The following CTNNA2 variants were observed in gnomAD, a reference collection of about 807,000 sequenced individuals.
The protein encoded by CTNNA2 is catenin alpha 2, also known as catenin alpha-2.
CTNNA2 carries 42 observed loss-of-function variants against 101.0 expected under a neutral mutation model. The ratio of observed to expected loss-of-function variants is 0.42; its 90% CI spans 0.32 to 0.54. The LOEUF (loss-of-function observed/expected upper bound fraction) is 0.54, where lower values mean the gene tolerates loss of function less well. Ranked by LOEUF, CTNNA2 falls within the 20% of genes least tolerant of loss-of-function variation. CTNNA2 has a pLI of 0.14. For synonymous variants in CTNNA2, 450 were observed against 456.4 expected, an observed-to-expected ratio of 0.99 and a Z score of 0.18; for missense variants, 871 against 1,223.1, an observed-to-expected ratio of 0.71 and a Z score of 4.29.
chr2:80,371,069 T>A (rs1559052145), intron 7 of CTNNA2, among the ~76,000 whole-genome samples: 1 of 152,186 alleles, frequency 6.6e-6, no homozygotes, highest in Non-Finnish European at 1.5e-5. Flanking sequence ...TCTTCAGAGT[T>A]AAGAATGTTC....
intron 8 of CTNNA2, among the ~76,000 whole-genome samples, chr2:80,415,117 C>G (rs1343268838): frequency 6.6e-6 from 1 of 152,156 alleles, no homozygotes; most frequent in African/African-American, 2.4e-5. Context: ...AGGCTCCGAA[C>G]AGCAGAATTA....
At chr2:79,803,969 A>G (rs1301112745) in intron 3 of CTNNA2, among the ~76,000 whole-genome samples, 1 of 152,234 alleles carries the variant, frequency 6.6e-6, no homozygotes, top group Non-Finnish European at 1.5e-5. Context: ...AAGTCTGGAT[A>G]AAGGTCACTA....
At chr2:80,170,500 T>C (rs942372086) in intron 7 of CTNNA2, among the ~76,000 whole-genome samples, 13 of 152,192 alleles carry the variant, frequency 8.5e-5, no homozygotes, top group Admixed American at 5.2e-4. Flanking sequence ...TATGTGCTGG[T>C]AAACTGAGGC....
intron 1 of CTNNA2, among the ~76,000 whole-genome samples, chr2:79,559,022 C>T (rs1449247357): frequency 1.3e-5 from 2 of 151,704 alleles, no homozygotes; most frequent in South Asian, 2.1e-4. Context: ...TTTATTTTAT[C>T]CTCGGTTTTC....
chr2:79,677,124 T>C (rs985299362), intron 2 of CTNNA2, among the ~76,000 whole-genome samples: 1 of 152,232 alleles, frequency 6.6e-6, no homozygotes, highest in African/African-American at 2.4e-5. Context: ...TCAAATAAGT[T>C]ACAGTTATTC....
chr2:79,606,145 G>A (rs969779401), intron 1 of CTNNA2, among the ~76,000 whole-genome samples: 8 of 152,244 alleles, frequency 5.3e-5, no homozygotes, highest in African/African-American at 1.9e-4. Flanking sequence ...ATTTTATGAT[G>A]AAGAAAAATG....
chr2:79,731,311 A>T (rs1687180849), intron 2 of CTNNA2, among the ~76,000 whole-genome samples: 1 of 152,082 alleles, frequency 6.6e-6, no homozygotes, highest in Non-Finnish European at 1.5e-5. Context: ...AGACTTGTTT[A>T]TTGAAGTGTG....
intron 2 of CTNNA2, among the ~76,000 whole-genome samples, chr2:79,692,126 T>C (rs1026622909): frequency 6.6e-6 from 1 of 152,194 alleles, no homozygotes; most frequent in Non-Finnish European, 1.5e-5. Flanking sequence ...TCTATCCATC[T>C]GACAAAGGGC....
chr2:80,057,397 A>G (rs1252842852), intron 7 of CTNNA2, among the ~76,000 whole-genome samples: 1 of 152,234 alleles, frequency 6.6e-6, no homozygotes, highest in Non-Finnish European at 1.5e-5. Context: ...TGGAACATGT[A>G]TGCTTTTGGT....
chr2:80,217,557 A>T (rs1708343368), intron 7 of CTNNA2, among the ~76,000 whole-genome samples: 1 of 152,154 alleles, frequency 6.6e-6, no homozygotes, highest in African/African-American at 2.4e-5. Context: ...AAGAAATGTT[A>T]CTTCCTTACT....
At chr2:79,430,074 T>G (rs1678640177) in intron 4 of CTNNA2, among the ~76,000 whole-genome samples, 1 of 152,194 alleles carries the variant, frequency 6.6e-6, no homozygotes, top group Admixed American at 6.6e-5. Context: ...GGAGGACAAG[T>G]GGCATAGGCT....
intron 7 of CTNNA2, among the ~76,000 whole-genome samples, chr2:79,998,336 T>C (rs1692697814): frequency 6.6e-6 from 1 of 152,250 alleles, no homozygotes. Context: ...TTTGAAATAC[T>C]GTGGTTCATA....
intron 7 of CTNNA2, among the ~76,000 whole-genome samples, chr2:80,114,238 A>G (rs1281143790): frequency 6.6e-6 from 1 of 152,172 alleles, no homozygotes; most frequent in Non-Finnish European, 1.5e-5. Flanking sequence ...ACCCTCTTTT[A>G]TGCAATAGGA....
At chr2:79,647,617 T>G (rs1680914234) in intron 1 of CTNNA2, among the ~76,000 whole-genome samples, 1 of 152,240 alleles carries the variant, frequency 6.6e-6, no homozygotes, top group Admixed American at 6.5e-5. Context: ...TCCACTGATG[T>G]AGCCCTGCTA....
intron 4 of CTNNA2, among the ~76,000 whole-genome samples, chr2:79,426,044 A>C (rs977457053): frequency 6.6e-6 from 1 of 152,154 alleles, no homozygotes; most frequent in Non-Finnish European, 1.5e-5. Context: ...GCTTAACTAC[A>C]TAGTAAAACT....
At chr2:80,533,332 G>A (rs112912346) in intron 9 of CTNNA2, among the ~76,000 whole-genome samples, 3,187 of 152,106 alleles carry the variant, frequency 0.021, 54 homozygotes, top group South Asian at 0.048. Flanking sequence ...CATCCCCTCC[G>A]CAAAAAAAAG....
intron 7 of CTNNA2, among the ~76,000 whole-genome samples, chr2:80,167,789 A>G (rs190769852): frequency 7.9e-4 from 120 of 152,296 alleles, no homozygotes; most frequent in Admixed American, 1.8e-3. Context: ...TAATGCATTC[A>G]GCTTGAGTTT....
intron 7 of CTNNA2, among the ~76,000 whole-genome samples, chr2:80,184,971 ATTGG>A (rs1171400584): frequency 6.6e-6 from 1 of 152,180 alleles, no homozygotes; most frequent in African/African-American, 2.4e-5. Flanking sequence ...ATGCTAGTAT[ATTGG>A]CACTGCTATT....
intron 2 of CTNNA2, among the ~76,000 whole-genome samples, chr2:79,658,204 T>A (rs1681756705): frequency 6.6e-6 from 1 of 152,006 alleles, no homozygotes; most frequent in Non-Finnish European, 1.5e-5. Context: ...TGTGGATGCA[T>A]AGGCTTTAGA....
Sources: gnomAD v4.1 joint callset for allele counts (sites outside exome capture counted in the v4.1 genomes callset) on GRCh38, gnomAD v4.1.1 for gene constraint, MANE v1.5 for transcripts, NCBI Gene and HGNC (gene_info 2026-07-23, HGNC 2026-07-21) for gene names.